Variants in CPQ observed in about 807,000 individuals in gnomAD.
CPQ encodes Ser-Met dipeptidase.
CPQ carries 37 observed loss-of-function variants against 45.7 expected under a neutral mutation model. The observed-to-expected ratio is 0.81, with a 90% confidence interval of 0.62 to 1.07. The LOEUF is 1.07. Among genes scored for constraint, CPQ ranks in the 50% least tolerant of loss-of-function variants. The pLI, the probability that CPQ is intolerant of heterozygous loss-of-function variation, is 0.00. For synonymous variants in CPQ, 186 were observed against 205.8 expected, an observed-to-expected ratio of 0.90 and a Z score of 0.82; for missense variants, 537 against 572.9, an observed-to-expected ratio of 0.94 and a Z score of 0.64.
At chr8:96,688,727 C>T (rs532065687) in intron 1 of CPQ, among the ~76,000 whole-genome samples, 43 of 152,156 alleles carry the variant, frequency 2.8e-4, no homozygotes, top group African/African-American at 1.0e-3. Context: ...AATTCTGTTG[C>T]TTGACTTACC....
intron 4 of CPQ, among the ~76,000 whole-genome samples, chr8:96,909,579 A>G (rs1434382446): frequency 2.6e-5 from 4 of 151,912 alleles, no homozygotes; most frequent in Admixed American, 6.6e-5. Context: ...GGAGCTGGGG[A>G]TGTGTGGGCA....
intron 7 of CPQ, among the ~76,000 whole-genome samples, chr8:97,109,953 C>T (rs1811471906): frequency 6.6e-6 from 1 of 152,138 alleles, no homozygotes. Flanking sequence ...TCTACAAATC[C>T]ATGCTATCTT....
At chr8:96,749,455 A>C (rs547174873) in intron 1 of CPQ, among the ~76,000 whole-genome samples, 1 of 152,356 alleles carries the variant, frequency 6.6e-6, no homozygotes, top group Non-Finnish European at 1.5e-5. Flanking sequence ...CAATACTTTG[A>C]TAACCCAGTC....
intron 7 of CPQ, among the ~76,000 whole-genome samples, chr8:97,123,019 T>TA (rs1811758253): frequency 5.7e-5 from 1 of 17,512 alleles, no homozygotes; most frequent in Non-Finnish European, 1.1e-4. Context: ...TAAAATAAAA[T>TA]AAAATAAATA....
chr8:97,122,960 A>ATTAAATTAAATTAAATTAAAT (rs1563586839), intron 7 of CPQ, among the ~76,000 whole-genome samples: 1 of 87,332 alleles, frequency 1.1e-5, no homozygotes, highest in Non-Finnish European at 1.9e-5. Flanking sequence ...ATAAAATAAA[A>ATTAAATTAAATTAAATTAAAT]TAAAATAAAA....
intron 1 of CPQ, among the ~76,000 whole-genome samples, chr8:96,780,875 A>G (rs1810676704): frequency 6.6e-6 from 1 of 152,064 alleles, no homozygotes; most frequent in Non-Finnish European, 1.5e-5. Context: ...ATAGAAGCTT[A>G]GCAATGCATG....
In CPQ at chr8:96,925,343, A is replaced by C. The variant is rs184063392; in HGVS notation, c.850-40592A>C. On this transcript the variant is annotated intron_variant, in intron 4 of 7. Transcript: ENST00000220763. ...ACTAGGCTACACCCTAGAACCCTAGATGATTTAAACCAGAGCCTTTGGGTG... is the reference window on the plus strand; with the variant it reads ...ACTAGGCTACACCCTAGAACCCTAGCTGATTTAAACCAGAGCCTTTGGGTG... Among the ~76,000 whole-genome samples the C allele has an allele frequency of 3.5e-4, 53 of 151,306 alleles. No individual in the cohort carries two copies. In the East Asian group the frequency reaches 9.6e-3, roughly 27 times the overall value.
At chr8:96,993,802 T>C (rs1224777841) in intron 5 of CPQ, among the ~76,000 whole-genome samples, 3 of 152,162 alleles carry the variant, frequency 2.0e-5, no homozygotes, top group Non-Finnish European at 2.9e-5. Flanking sequence ...TATTATTTCA[T>C]AGTGTATCAA....
chr8:96,780,267 T>C (rs1586397616), intron 1 of CPQ, among the ~76,000 whole-genome samples: 1 of 152,158 alleles, frequency 6.6e-6, no homozygotes, highest in Non-Finnish European at 1.5e-5. Flanking sequence ...GGGTGTTGTT[T>C]AGTGAGCCTT....
chr8:96,999,251 A>G (rs1035343792), intron 5 of CPQ, among the ~76,000 whole-genome samples: 1 of 140,442 alleles, frequency 7.1e-6, no homozygotes, highest in East Asian at 2.1e-4. Flanking sequence ...TTTAACTTTT[A>G]TTTTAAGGTC....
chr8:96,901,617 G>A (rs1812512605), intron 4 of CPQ, among the ~76,000 whole-genome samples: 1 of 152,182 alleles, frequency 6.6e-6, no homozygotes, highest in South Asian at 2.1e-4. Context: ...TTTCAGTGTG[G>A]ATGTCTTAGC....
intron 5 of CPQ, among the ~76,000 whole-genome samples, chr8:97,023,061 A>ACT (rs1563557190): frequency 1.2e-4 from 17 of 139,330 alleles, no homozygotes; most frequent in African/African-American, 4.3e-4. Context: ...CTGTATATAT[A>ACT]GAAACTGTAG....
At position 97,066,338 on chromosome 8, in the gene CPQ, A is replaced by C. The variant is rs1183943951; in HGVS notation, c.1255+128A>C. 4 of 816,762 alleles carry C rather than the reference A, an allele frequency of 4.9e-6. No individual in the cohort carries two copies. In the East Asian group the frequency reaches 1.1e-4, roughly 23 times the overall value. The allele number at this position is 816,762 out of a possible 1,614,324, so 50.6% of individuals were successfully genotyped here. A position where few individuals can be genotyped will look rare whatever the true frequency, so the allele number is the denominator to read the frequency against. On this transcript the variant is annotated intron_variant, in intron 7 of 7. Transcript: ENST00000220763. The stretch of plus-strand genomic sequence containing the variant: ...CCACGGAAACCTTAAGCTTTTGTTC[A>C]AGGTATAATCTGATGATTTCTAAAA...
At chr8:97,027,519 T>C (rs1260937736) in intron 5 of CPQ, among the ~76,000 whole-genome samples, 1 of 152,242 alleles carries the variant, frequency 6.6e-6, no homozygotes, top group Non-Finnish European at 1.5e-5. Flanking sequence ...ATTATCTTCA[T>C]CTTTCAGATA....
At chr8:96,900,695 G>T (rs569632673) in intron 4 of CPQ, among the ~76,000 whole-genome samples, 2 of 152,206 alleles carry the variant, frequency 1.3e-5, no homozygotes, top group East Asian at 3.9e-4. Context: ...GCATTACTCT[G>T]ACTCTTGGAA....
chr8:96,751,150 C>T (rs1481826680), intron 1 of CPQ, among the ~76,000 whole-genome samples: 1 of 152,010 alleles, frequency 6.6e-6, no homozygotes, highest in Non-Finnish European at 1.5e-5. Flanking sequence ...GGTTATATAC[C>T]CAGTAATGGG....
chr8:96,982,352 A>AT (rs1279189056), intron 5 of CPQ, among the ~76,000 whole-genome samples: 2 of 151,938 alleles, frequency 1.3e-5, no homozygotes, highest in Middle Eastern at 3.2e-3. Flanking sequence ...CAGGTCTTTT[A>AT]TTTTTTTTCT....
chr8:96,900,764 T>C (rs558374955), intron 4 of CPQ, among the ~76,000 whole-genome samples: 1 of 152,326 alleles, frequency 6.6e-6, no homozygotes, highest in Admixed American at 6.5e-5. Flanking sequence ...ATATTCAGAC[T>C]GCTTTACACC....
At chr8:96,656,856 C>T (rs1449018973) in intron 1 of CPQ, among the ~76,000 whole-genome samples, 2 of 152,158 alleles carry the variant, frequency 1.3e-5, no homozygotes, top group Non-Finnish European at 2.9e-5. Flanking sequence ...AAAATTTGCA[C>T]ACTGGTCCCT....
Sources: allele counts gnomAD v4.1 joint callset (sites outside exome capture counted in the v4.1 genomes callset), GRCh38; gene constraint gnomAD v4.1.1; transcripts MANE v1.5; gene names NCBI Gene and HGNC (gene_info 2026-07-23, HGNC 2026-07-21).